Variants in NEBL observed in about 807,000 individuals in gnomAD.
NEBL encodes nebulette, also known as LIM and SH3 protein 2.
NEBL carries 122 observed loss-of-function variants against 140.2 expected under a neutral mutation model. The ratio of observed to expected loss-of-function variants is 0.87; its 90% confidence interval spans 0.75 to 1.01. The LOEUF is 1.01. Among genes scored for constraint, NEBL ranks in the 50% least tolerant of loss-of-function variants. The pLI, the probability that NEBL is intolerant of heterozygous loss-of-function variation, is 0.00. For missense variants in NEBL, 1,365 were observed against 1,231.3 expected, an observed-to-expected ratio of 1.11 and a Z score of -1.62; for synonymous variants, 436 against 398.9, an observed-to-expected ratio of 1.09 and a Z score of -1.11.
At chr10:20,808,155 A>G (rs949732983) in intron 26 of NEBL, among the ~76,000 whole-genome samples, 6 of 152,100 alleles carry the variant, frequency 3.9e-5, no homozygotes, top group Non-Finnish European at 5.9e-5. Flanking sequence ...GAAATCATAT[A>G]AAAACTATGC....
At chr10:20,958,496 C>T (rs958981845) in intron 4 of NEBL, among the ~76,000 whole-genome samples, 21 of 152,318 alleles carry the variant, frequency 1.4e-4, no homozygotes, top group Middle Eastern at 3.4e-3. Flanking sequence ...TTCAATTAAA[C>T]GATTTGGCTC....
chr10:21,061,312 A>G (rs1230218442), intron 2 of NEBL, among the ~76,000 whole-genome samples: 3 of 140,490 alleles, frequency 2.1e-5, no homozygotes, highest in Admixed American at 7.0e-5. Flanking sequence ...ATTATGTGAT[A>G]TGTAATATAT....
intron 2 of NEBL, among the ~76,000 whole-genome samples, chr10:21,124,087 A>G (rs1186267212): frequency 1.3e-5 from 2 of 152,204 alleles, no homozygotes; most frequent in South Asian, 2.1e-4. Context: ...ATAATTCCTT[A>G]TCTACTTGGC....
intron 3 of NEBL, among the ~76,000 whole-genome samples, chr10:20,973,287 C>T (rs1227765397): frequency 6.6e-6 from 1 of 150,486 alleles, no homozygotes; most frequent in African/African-American, 2.5e-5. Flanking sequence ...TGCTTTGTCA[C>T]CCAGGATGGA....
intron 4 of NEBL, among the ~76,000 whole-genome samples, chr10:20,932,964 T>C (rs1327843811): frequency 6.6e-6 from 1 of 152,180 alleles, no homozygotes; most frequent in African/African-American, 2.4e-5. Flanking sequence ...AATGCTTGCA[T>C]GCAGAAAACC....
chr10:20,920,942 G>T (rs1482683496), intron 4 of NEBL, among the ~76,000 whole-genome samples: 2 of 152,150 alleles, frequency 1.3e-5, no homozygotes, highest in African/African-American at 4.8e-5. Flanking sequence ...TAGCCAGCTT[G>T]CTATTCATAT....
intron 1 of NEBL, among the ~76,000 whole-genome samples, chr10:21,285,210 G>T (rs910441334): frequency 6.6e-6 from 1 of 152,186 alleles, no homozygotes; most frequent in East Asian, 1.9e-4. Flanking sequence ...GTAGATCATT[G>T]GTGCAGCTTG....
chr10:21,290,426 C>T (rs1200122793), intron 1 of NEBL, among the ~76,000 whole-genome samples: 3 of 152,222 alleles, frequency 2.0e-5, no homozygotes, highest in Non-Finnish European at 4.4e-5. Context: ...AAGCCAAGCA[C>T]ATGCAGAGGT....
Position 21,066,679 on chromosome 10 carries a change from C to A in NEBL, c.165-46478G>T, listed in dbSNP as rs192713138. Among the ~76,000 whole-genome samples, 3 of 152,248 alleles carry A rather than the reference C, an allele frequency of 2.0e-5. No homozygotes were observed. The East Asian group carries it at 5.8e-4, about 29-fold the overall frequency. On this transcript the variant is annotated intron_variant, in intron 2 of 6. Coordinates refer to the NEBL transcript ENST00000417816. ...TGTAATATTCTTTGCTTAGATTTAC[C>A]ATTGCTTAAAACACAGCAATACAAG...
chr10:21,240,907 T>TACACACACACACACACAC lies in NEBL; in HGVS notation n.348+6996_348+7013dup, dbSNP rs61704937. Among the ~76,000 whole-genome samples, 93 of 137,378 alleles carry TACACACACACACACACAC rather than the reference T, an allele frequency of 6.8e-4. 2 individuals are homozygous for TACACACACACACACACAC. The highest frequency in any genetic ancestry group is 1.1e-3 in the Non-Finnish European group (69 of 62,416). The allele number at this position is 137,378 out of a possible 152,430, so 90.1% of individuals were successfully genotyped here. On this transcript the variant is annotated intron_variant and non_coding_transcript_variant, in intron 3 of 8. Transcript: ENST00000675702. ...CAGAACAGGGCAAAACACGCACACATACACACACACACACACACACACACA... is the reference window on the plus strand; with the variant it reads ...CAGAACAGGGCAAAACACGCACACATACACACACACACACACACACACACACACACACACACACACACA...
intron 5 of NEBL, among the ~76,000 whole-genome samples, chr10:20,872,302 A>C (rs1214153067): frequency 6.6e-6 from 1 of 152,170 alleles, no homozygotes; most frequent in Non-Finnish European, 1.5e-5. Flanking sequence ...TGCAAATTCA[A>C]ACAAGAGGAC....
At chr10:21,244,117 A>G (rs192794430) in intron 3 of NEBL, among the ~76,000 whole-genome samples, 115 of 152,282 alleles carry the variant, frequency 7.6e-4, no homozygotes, top group African/African-American at 2.6e-3. Context: ...CACCCCTTTC[A>G]ATCTTTCCCC....
At chr10:20,916,433 C>T (rs1848559655) in intron 4 of NEBL, among the ~76,000 whole-genome samples, 1 of 152,230 alleles carries the variant, frequency 6.6e-6, no homozygotes, top group Non-Finnish European at 1.5e-5. Context: ...AAGGGTCTCA[C>T]TCTGTTGCCC....
At chr10:21,248,463 C>T (rs1045352811) in intron 2 of NEBL, among the ~76,000 whole-genome samples, 4 of 152,078 alleles carry the variant, frequency 2.6e-5, no homozygotes, top group Non-Finnish European at 4.4e-5. Flanking sequence ...GCATAATGTC[C>T]TCAAGATTCA....
chr10:21,126,083 G>GTTTTCTGCACTGGGTGAGTTAA, intron 2 of NEBL: 1 of 1,613,906 alleles, frequency 6.2e-7, no homozygotes, highest in Non-Finnish European at 8.5e-7. Context: ...TTCCTGGGAG[G>GTTTTCTGCACTGGGTGAGTTAA]CCTCAGGCCC....
chr10:21,067,369 G>A (rs373843402), intron 2 of NEBL, among the ~76,000 whole-genome samples: 1 of 152,114 alleles, frequency 6.6e-6, no homozygotes, highest in African/African-American at 2.4e-5. Context: ...CCTTCAAACT[G>A]TAATTCATTA....
intron 4 of NEBL, among the ~76,000 whole-genome samples, chr10:20,936,742 T>G (rs1393112527): frequency 6.6e-6 from 1 of 152,240 alleles, no homozygotes; most frequent in Non-Finnish European, 1.5e-5. Context: ...CATTATAGTT[T>G]AATTTCTGCC....
intron 1 of NEBL, among the ~76,000 whole-genome samples, chr10:21,290,312 T>TG (rs1843125042): frequency 1.3e-5 from 2 of 152,328 alleles, no homozygotes; most frequent in Non-Finnish European, 2.9e-5. Flanking sequence ...TCCGGTATGC[T>TG]GAGCATTTTT....
chr10:21,052,410 G>A (rs1834816554), intron 2 of NEBL, among the ~76,000 whole-genome samples: 1 of 152,160 alleles, frequency 6.6e-6, no homozygotes, highest in Non-Finnish European at 1.5e-5. Flanking sequence ...TAGAATGATA[G>A]GCAGCTAACA....
Sources: allele counts gnomAD v4.1 joint callset (sites outside exome capture counted in the v4.1 genomes callset), GRCh38; gene constraint gnomAD v4.1.1; transcripts MANE v1.5; gene names NCBI Gene and HGNC (gene_info 2026-07-23, HGNC 2026-07-21).